Variants in SAP130 observed in about 807,000 individuals in gnomAD.
The protein encoded by SAP130 is Sin3A associated protein 130.
Under a neutral mutation model 103.2 loss-of-function variants are expected in SAP130, and 16 were observed. The ratio of observed to expected loss-of-function variants is 0.16; its 90% CI spans 0.10 to 0.24. The LOEUF (loss-of-function observed/expected upper bound fraction) is 0.24, where lower values mean the gene tolerates loss of function less well. Ranked by LOEUF, SAP130 falls within the 10% of genes least tolerant of loss-of-function variation. SAP130 has a pLI of 1.00. For missense variants in SAP130, 990 were observed against 1,359.7 expected (o/e 0.73, Z 4.28); for synonymous variants, 477 against 497.0 (o/e 0.96, Z 0.53).
At chr2:127,954,093 C>G (rs1320649262) in intron 16 of SAP130, among the ~76,000 whole-genome samples, 1 of 152,130 alleles carries the variant, frequency 6.6e-6, no homozygotes, top group Non-Finnish European at 1.5e-5. Context: ...CGAAAAAGAG[C>G]AGGTGAGTAG....
intron 12 of SAP130, among the ~76,000 whole-genome samples, chr2:127,991,027 A>C (rs573764094): frequency 6.6e-6 from 1 of 152,102 alleles, no homozygotes; most frequent in South Asian, 2.1e-4. Context: ...GAGGCAGGCG[A>C]TCATTTGAGA....
rs767990777 is a variant in SAP130, at chr2:128,017,695, C to T, written c.333G>A (p.Ser111=). The T allele has an allele frequency of 3.0e-5, 49 of 1,614,050 alleles. No homozygotes were observed. The highest frequency in any genetic ancestry group is 3.6e-5 in the Non-Finnish European group (42 of 1,180,024). The change falls in exon 3 of 21, where the codon TCG becomes TCA. Residue 111 remains serine (S), a synonymous_variant. Coordinates refer to ENST00000643581, the MANE Select transcript of SAP130 (RefSeq NM_001330301.2). ...HLTPAVPLSF[S]EGLMKPPPKP... ...TCTCCATTACCTTCATAAGTCCCTC[C>T]GAAAATGAAAGTGGCACTGCTGGCG...
At chr2:128,003,318 G>A (rs750790467) in intron 7 of SAP130, among the ~76,000 whole-genome samples, 6 of 151,820 alleles carry the variant, frequency 4.0e-5, no homozygotes, top group Non-Finnish European at 8.8e-5. Context: ...ACCAGCCTGA[G>A]CAACATGGCA....
intron 19 of SAP130, among the ~76,000 whole-genome samples, chr2:127,945,153 C>T (rs558130887): frequency 9.2e-5 from 14 of 152,144 alleles, no homozygotes; most frequent in South Asian, 4.1e-4. Context: ...TCGGTTAGGC[C>T]GTTTGAGGCT....
intron 15 of SAP130, among the ~76,000 whole-genome samples, chr2:127,969,584 G>T (rs2104861895): frequency 6.6e-6 from 1 of 152,304 alleles, no homozygotes; most frequent in East Asian, 1.9e-4. Flanking sequence ...AACAGAAGTA[G>T]CTTGTCTCAC....
intron 10 of SAP130, among the ~76,000 whole-genome samples, chr2:127,997,669 T>G (rs1254871972): frequency 1.3e-5 from 2 of 152,122 alleles, no homozygotes; most frequent in Non-Finnish European, 2.9e-5. Context: ...AACTAAGCCT[T>G]GTTTTTTTCA....
intron 1 of SAP130, chr2:128,027,468 G>A (rs1418148304): frequency 1.0e-6 from 1 of 965,554 alleles, no homozygotes; most frequent in Non-Finnish European, 1.2e-6. Context: ...AACCCCTCGA[G>A]GCTGAGCCAA....
chr2:127,963,007 G>A (rs1305327762), intron 15 of SAP130, among the ~76,000 whole-genome samples: 1 of 146,966 alleles, frequency 6.8e-6, no homozygotes, highest in Non-Finnish European at 1.5e-5. Context: ...ATAAATGTCT[G>A]AAAAAAAAAA....
intron 2 of SAP130, among the ~76,000 whole-genome samples, chr2:128,022,335 C>A (rs1263305815): frequency 6.6e-6 from 1 of 152,222 alleles, no homozygotes; most frequent in East Asian, 1.9e-4. Context: ...GATGGACACA[C>A]AACAATTTGC....
At chr2:128,026,330 AG>A in intron 1 of SAP130, 32 bp from the exon 2 acceptor site, 4 of 1,437,160 alleles carry the variant, frequency 2.8e-6, no homozygotes, top group Non-Finnish European at 3.9e-6. Context: ...GGTTATTACT[AG>A]ATTCTGAGAT....
At chr2:127,967,612 G>A (rs1269897560) in intron 15 of SAP130, among the ~76,000 whole-genome samples, 1 of 152,174 alleles carries the variant, frequency 6.6e-6, no homozygotes, top group East Asian at 1.9e-4. Context: ...TGGCCAAGCT[G>A]GTCTTGAACT....
At chr2:127,973,240 T>C (rs1486581495) in intron 15 of SAP130, among the ~76,000 whole-genome samples, 1 of 152,184 alleles carries the variant, frequency 6.6e-6, no homozygotes, top group Non-Finnish European at 1.5e-5. Context: ...CAGAATTTTT[T>C]TGTTGTTGTG....
chr2:128,006,683 G>C (rs1423118883), intron 7 of SAP130, among the ~76,000 whole-genome samples: 2 of 152,204 alleles, frequency 1.3e-5, no homozygotes, highest in South Asian at 4.1e-4. Context: ...GGGAGGCTGA[G>C]GTAGAAGGAT....
chr2:127,951,156 A>T (rs1679470173), intron 16 of SAP130, among the ~76,000 whole-genome samples: 1 of 152,204 alleles, frequency 6.6e-6, no homozygotes, highest in Non-Finnish European at 1.5e-5. Context: ...GGATTGACAG[A>T]GGCAGTCTGG....
At chr2:128,006,874 T>C (rs1340533076) in intron 7 of SAP130, among the ~76,000 whole-genome samples, 2 of 152,256 alleles carry the variant, frequency 1.3e-5, no homozygotes, top group Non-Finnish European at 2.9e-5. Flanking sequence ...ATTGGTCTGT[T>C]GAAGAAGTTC....
intron 18 of SAP130, among the ~76,000 whole-genome samples, chr2:127,946,871 G>A (rs1036309238): frequency 4.0e-5 from 6 of 150,090 alleles, no homozygotes; most frequent in African/African-American, 1.2e-4. Context: ...GGGACAGAGC[G>A]AGACTCCGTC....
intron 12 of SAP130, 108 bp downstream of exon 12, chr2:127,993,079 G>A (rs1682922791): frequency 9.9e-6 from 13 of 1,314,132 alleles, no homozygotes; most frequent in Non-Finnish European, 1.4e-5. Flanking sequence ...TCTGAAAACA[G>A]AAGCTGAAAT....
In SAP130 at chr2:127,953,047, T is replaced by C. The variant is rs1321226065; in HGVS notation, c.2422+1939A>G. 1.3e-5 allele frequency among the ~76,000 whole-genome samples: 2 copies of C among 152,356 alleles called. No homozygotes were observed. Among genetic ancestry groups the C allele is most frequent in the East Asian group, 3.8e-4 (2 of 5,196 alleles). ...AAAGCCAGCCTCATAGATCCAACTA[T>C]TTATTTGATGTCTACATTTGAAATG... On this transcript the variant is annotated intron_variant, in intron 16 of 20. Transcript: ENST00000643581. This position sits in a 1 kb window ranked among gnomAD's most constrained non-coding sequence, Gnocchi z 4.0.
At chr2:127,949,029 C>T (rs946483132) in intron 18 of SAP130, among the ~76,000 whole-genome samples, 1 of 152,148 alleles carries the variant, frequency 6.6e-6, no homozygotes, top group Non-Finnish European at 1.5e-5. Context: ...CCTCAGAGTA[C>T]ACTTGTGAGG....
Sources: gnomAD v4.1 joint callset for allele counts (sites outside exome capture counted in the v4.1 genomes callset) on GRCh38, gnomAD v4.1.1 for gene constraint, Gnocchi (gnomAD v3.1) non-coding constraint, MANE v1.5 for transcripts, NCBI Gene and HGNC (gene_info 2026-07-23, HGNC 2026-07-21) for gene names.